ERC2: variants seen among roughly 807,000 people sequenced by gnomAD.
ERC2 encodes the protein ELKS/RAB6-interacting/CAST family member 2, also known as ERC protein 2.
ERC2 carries 42 observed loss-of-function variants against 114.8 expected under a neutral mutation model. The observed-to-expected ratio is 0.37, with a 90% CI of 0.29 to 0.47. The LOEUF (loss-of-function observed/expected upper bound fraction) is 0.47. Among genes scored for constraint, ERC2 ranks in the 20% least tolerant of loss-of-function variants. The pLI is 0.99. For synonymous variants in ERC2, 454 were observed against 425.5 expected, an observed-to-expected ratio of 1.07 and a Z score of -0.82; for missense variants, 939 against 1,150.7, an observed-to-expected ratio of 0.82 and a Z score of 2.66.
At position 55,992,160 on chromosome 3, in the gene ERC2, C is replaced by T. The variant is rs751851932; in HGVS notation, c.2152G>A (p.Glu718Lys). ...ACTTCCGCTTGGGCCTTGCCACACT[C>T]GTCGCGGTAGTAAGACGCCTCTTTA... ...LDKEASYYRD[E>K]CGKAQAEVDR... The change falls in exon 11 of 18, where the codon GAG becomes AAG. Residue 718 changes from glutamate to lysine, a missense_variant. Glu to Lys is a moderately conservative substitution (Grantham distance 56). Around this residue, in one of 5 missense-constraint regions of ERC2, gnomAD observed 328 missense variants for 353.9 expected, o/e 0.93. Transcript: ENST00000288221. The T allele has an allele frequency of 1.9e-5, 31 of 1,613,814 alleles. No individual in the cohort carries two copies. The highest frequency in any genetic ancestry group is 1.0e-4 in the Admixed American group (6 of 59,998).
In ERC2 at chr3:55,792,645, G is replaced by A. The variant is rs2070138479; in HGVS notation, c.2565-57727C>T. Among the ~76,000 whole-genome samples the A allele has an allele frequency of 2.0e-5, 3 of 152,150 alleles. No homozygotes were observed. In the South Asian group the frequency reaches 6.2e-4, roughly 32 times the overall value. On this transcript the variant is annotated intron_variant, in intron 14 of 17. Transcript: ENST00000288221. The stretch of plus-strand genomic sequence containing the variant: ...CAATGACCAACAATAGTAATGGAAA[G>A]GTGAATAAAATTAAGCACCTCAATG...
chr3:55,561,642 T>C (rs545465553), intron 17 of ERC2, among the ~76,000 whole-genome samples: 1 of 152,278 alleles, frequency 6.6e-6, no homozygotes, highest in South Asian at 2.1e-4. Flanking sequence ...CCCACTGCCC[T>C]TTTCAGAAAG....
intron 3 of ERC2, among the ~76,000 whole-genome samples, chr3:56,202,308 C>A (rs933502497): frequency 6.6e-6 from 1 of 152,146 alleles, no homozygotes; most frequent in African/African-American, 2.4e-5. Flanking sequence ...ATCCAAAACA[C>A]ATTAAACACG....
chr3:55,550,782 C>T (rs1159293894), intron 17 of ERC2, among the ~76,000 whole-genome samples: 4 of 151,610 alleles, frequency 2.6e-5, no homozygotes, highest in East Asian at 2.0e-4. Context: ...TTTGGGAGGC[C>T]AAGGCGGGCA....
rs772988987 is a variant in ERC2, at chr3:56,296,299, C to T, written c.794G>A (p.Arg265Gln). The T allele has an allele frequency of 3.7e-6, 6 of 1,613,980 alleles. No homozygotes were observed. The highest frequency in any genetic ancestry group is 2.2e-5 in the East Asian group (1 of 44,886). ...CTGCCTGTCATGCTCGGCTTGGAGC[C>T]GCCTAAAGTTCTCCTCGGTCAGCTC... ...TIELTEENFRRLQAEHDRQAK... is the reference protein window; with the variant it reads ...TIELTEENFRQLQAEHDRQAK... The change falls in exon 3 of 18, where the codon CGG becomes CAG. Residue 265 changes from arginine (R) to glutamine (Q), a missense_variant. Around this residue, in one of 5 missense-constraint regions of ERC2, gnomAD observed 33 missense variants for 75.6 expected, o/e 0.44. Coordinates refer to ENST00000288221, the MANE Select transcript of ERC2 (RefSeq NM_015576.3).
At chr3:56,253,291 A>T (rs1193776818) in intron 3 of ERC2, among the ~76,000 whole-genome samples, 1 of 152,188 alleles carries the variant, frequency 6.6e-6, no homozygotes, top group Admixed American at 6.5e-5. Flanking sequence ...TGGCTATATG[A>T]TATTCTATCA....
intron 3 of ERC2, among the ~76,000 whole-genome samples, chr3:56,283,252 C>T (rs2054466537): frequency 6.6e-6 from 1 of 152,192 alleles, no homozygotes; most frequent in Non-Finnish European, 1.5e-5. Flanking sequence ...TAAACCTTGA[C>T]ATGCATCATG....
chr3:56,095,885 T>C (rs558679120), intron 6 of ERC2, among the ~76,000 whole-genome samples: 1 of 152,330 alleles, frequency 6.6e-6, no homozygotes, highest in Non-Finnish European at 1.5e-5. Flanking sequence ...TTATCTAGCA[T>C]ATTAATACAT....
chr3:55,529,496 A>G (rs183666880), intron 17 of ERC2, among the ~76,000 whole-genome samples: 1 of 152,352 alleles, frequency 6.6e-6, no homozygotes, highest in Non-Finnish European at 1.5e-5. Flanking sequence ...AACCTTTACA[A>G]AGGTTACTTT....
At chr3:56,063,783 G>A (rs762129612) in intron 7 of ERC2, among the ~76,000 whole-genome samples, 3 of 152,100 alleles carry the variant, frequency 2.0e-5, no homozygotes, top group Non-Finnish European at 4.4e-5. Context: ...TAAAAATCAG[G>A]TTATACTATA....
At chr3:56,433,010 C>CA (rs1576938651) in intron 2 of ERC2, among the ~76,000 whole-genome samples, 10 of 150,522 alleles carry the variant, frequency 6.6e-5, no homozygotes, top group South Asian at 4.2e-4. Flanking sequence ...CTTGTCTCTA[C>CA]AAAAAAAAAT....
rs763483103 is a variant in ERC2 at position 55,593,927 on chromosome 3, A to G, written c.*40-82651T>C. Among the ~76,000 whole-genome samples, 12 of 152,122 alleles carry G rather than the reference A, an allele frequency of 7.9e-5. 1 individual carries two copies. Among genetic ancestry groups the G allele is most frequent in the South Asian group, 4.2e-4 (2 of 4,808 alleles). On this transcript the variant is annotated intron_variant, in intron 17 of 17. Transcript: ENST00000288221. The stretch of plus-strand genomic sequence containing the variant: ...ATTCCTCGACTCTCCATCTTTTACC[A>G]TCACAGTGATACTGTGTCAGATGCC...
chr3:55,872,892 C>T (rs1424268242), intron 14 of ERC2, among the ~76,000 whole-genome samples: 1 of 152,192 alleles, frequency 6.6e-6, no homozygotes, highest in Non-Finnish European at 1.5e-5. Context: ...CAGACAGATA[C>T]AGGCTAGGAC....
At chr3:55,545,995 A>T (rs2054721925) in intron 17 of ERC2, among the ~76,000 whole-genome samples, 1 of 152,174 alleles carries the variant, frequency 6.6e-6, no homozygotes, top group Non-Finnish European at 1.5e-5. Flanking sequence ...GTGAGAAGAG[A>T]ATACATGGAC....
At chr3:56,185,263 C>T (rs1377234529) in intron 3 of ERC2, 2 of 152,210 alleles carry the variant, frequency 1.3e-5, no homozygotes, top group Non-Finnish European at 2.9e-5. Flanking sequence ...TATTCCCATA[C>T]TTTAAAACCT....
intron 2 of ERC2, among the ~76,000 whole-genome samples, chr3:56,428,413 C>T (rs2061656681): frequency 6.6e-6 from 1 of 151,546 alleles, no homozygotes; most frequent in Non-Finnish European, 1.5e-5. Flanking sequence ...CCCAGCTACT[C>T]GGGAGGCTGA....
chr3:55,712,250 A>G (rs577985449), intron 15 of ERC2, among the ~76,000 whole-genome samples: 1 of 152,318 alleles, frequency 6.6e-6, no homozygotes, highest in Middle Eastern at 3.4e-3. Context: ...GAAGAGCATA[A>G]GTGAAGGTGG....
chr3:56,034,489 A>C (rs1451807597), intron 7 of ERC2, among the ~76,000 whole-genome samples: 1 of 152,202 alleles, frequency 6.6e-6, no homozygotes, highest in Non-Finnish European at 1.5e-5. Flanking sequence ...AGTGGGCCTA[A>C]CAGACATATA....
At chr3:55,902,182 G>T (rs1292655896) in intron 13 of ERC2, among the ~76,000 whole-genome samples, 2 of 152,138 alleles carry the variant, frequency 1.3e-5, no homozygotes, top group Non-Finnish European at 2.9e-5. Context: ...CCAGACTGCT[G>T]GCTTGGTTAG....
Sources: gnomAD v4.1 joint callset for allele counts (sites outside exome capture counted in the v4.1 genomes callset) on GRCh38, gnomAD v4.1.1 for gene constraint, gnomAD v4.1.1 regional missense constraint, MANE v1.5 for transcripts, NCBI Gene and HGNC (gene_info 2026-07-23, HGNC 2026-07-21) for gene names.